The following KAZN variants were observed in gnomAD, a reference collection of about 807,000 sequenced individuals.
KAZN encodes kazrin.
A neutral mutation model predicts 87.4 loss-of-function variants in KAZN; 40 were observed. The observed-to-expected ratio is 0.46, with a 90% CI of 0.36 to 0.60. The LOEUF is 0.60. KAZN is among the 20% of genes least tolerant of loss of function. KAZN has a pLI of 0.00. For missense variants in KAZN, 898 were observed against 1,073.9 expected (o/e 0.84, Z 2.29); for synonymous variants, 466 against 458.3 (o/e 1.02, Z -0.22).
intron 1 of KAZN, among the ~76,000 whole-genome samples, chr1:14,665,204 G>T (rs1250739474): frequency 6.6e-6 from 1 of 152,100 alleles, no homozygotes; most frequent in Non-Finnish European, 1.5e-5. Context: ...GGACAATGGG[G>T]TATTCAAACA....
chr1:14,957,217 T>G (rs1205211697), intron 1 of KAZN, among the ~76,000 whole-genome samples: 2 of 152,174 alleles, frequency 1.3e-5, no homozygotes, highest in Non-Finnish European at 2.9e-5. Context: ...TTAGGAGTTT[T>G]GCTAAGAGAC....
chr1:14,051,862 A>AAC lies in KAZN; in HGVS notation c.92-128573_92-128572insAC, dbSNP rs1557434920. ...CTCAAAAAACCAACCAACCAACCAA[A>AAC]CAACAACAACAACAAAAACCCAAAA... On this transcript the variant is annotated intron_variant, in intron 1 of 16. Coordinates refer to the KAZN transcript ENST00000636203. Among the ~76,000 whole-genome samples, 19 of 152,030 alleles carry AAC rather than the reference A, an allele frequency of 1.2e-4. No individual in the cohort carries two copies. The South Asian group carries it at 2.3e-3, about 18-fold the overall frequency.
At chr1:14,181,046 G>T (rs959316608) in intron 2 of KAZN, among the ~76,000 whole-genome samples, 2 of 152,150 alleles carry the variant, frequency 1.3e-5, no homozygotes, top group Non-Finnish European at 2.9e-5. Flanking sequence ...TGAATTTATT[G>T]AGGAAGGTAT....
intron 1 of KAZN, among the ~76,000 whole-genome samples, chr1:14,761,157 C>G (rs1000085737): frequency 2.9e-4 from 44 of 152,180 alleles, no homozygotes; most frequent in Non-Finnish European, 6.0e-4. Flanking sequence ...GCTGGAGAAT[C>G]CCAGCATTTT....
intron 2 of KAZN, among the ~76,000 whole-genome samples, chr1:14,515,340 A>G (rs1289367521): frequency 1.3e-5 from 2 of 152,156 alleles, no homozygotes; most frequent in Non-Finnish European, 2.9e-5. Flanking sequence ...TTCCAATCCA[A>G]TCGCTGTAGG....
In KAZN at chr1:14,969,046, C is replaced by T. The variant is rs114362367; in HGVS notation, c.418+8171C>T. Among the ~76,000 whole-genome samples, 617 of 152,302 alleles carry T rather than the reference C, an allele frequency of 4.1e-3. 7 individuals are homozygous for T. Among genetic ancestry groups the T allele is most frequent in the South Asian group, 0.025 (121 of 4,828 alleles). On this transcript the variant is annotated intron_variant, in intron 2 of 14. Transcript: ENST00000376030. The stretch of plus-strand genomic sequence containing the variant: ...GAGACTGTCTTAAGTCCAGCGGGGT[C>T]GGTGGGGCTGGAAGACTAAAGCTCC...
intron 1 of KAZN, among the ~76,000 whole-genome samples, chr1:14,640,418 G>A (rs985467044): frequency 6.6e-6 from 1 of 152,182 alleles, no homozygotes; most frequent in Non-Finnish European, 1.5e-5. Context: ...AGGGTCCAGG[G>A]CAGCCTGTGG....
chr1:13,912,602 CT>C (rs1363879958), intron 1 of KAZN, among the ~76,000 whole-genome samples: 1 of 146,136 alleles, frequency 6.8e-6, no homozygotes, highest in Non-Finnish European at 1.6e-5. Flanking sequence ...GAAATCCTAC[CT>C]AATGCAATTC....
chr1:14,424,508 A>G (rs1289027229), intron 2 of KAZN, among the ~76,000 whole-genome samples: 1 of 152,198 alleles, frequency 6.6e-6, no homozygotes, highest in Non-Finnish European at 1.5e-5. Flanking sequence ...ACACATACGC[A>G]GAGCCACCAT....
chr1:13,950,387 A>G (rs765098484), intron 1 of KAZN, among the ~76,000 whole-genome samples: 6 of 152,208 alleles, frequency 3.9e-5, no homozygotes, highest in Non-Finnish European at 1.5e-5. Context: ...CTCTCCTATC[A>G]GACTGTCAGC....
chr1:14,393,158 C>A (rs759010106), intron 2 of KAZN, among the ~76,000 whole-genome samples: 1 of 152,196 alleles, frequency 6.6e-6, no homozygotes, highest in Non-Finnish European at 1.5e-5. Context: ...TCAAATCAAA[C>A]GGTCAAAGTT....
intron 2 of KAZN, among the ~76,000 whole-genome samples, chr1:14,351,611 TAAAC>T (rs1466844413): frequency 6.6e-6 from 1 of 152,146 alleles, no homozygotes; most frequent in Non-Finnish European, 1.5e-5. Context: ...TTGGTCATTA[TAAAC>T]AAAGGCAGGG....
intron 2 of KAZN, among the ~76,000 whole-genome samples, chr1:15,022,017 T>C (rs1670719024): frequency 6.6e-6 from 1 of 152,070 alleles, no homozygotes; most frequent in Admixed American, 6.6e-5. Flanking sequence ...ATGAGAACAG[T>C]ACAGGGAAAA....
chr1:14,490,147 T>C (rs1179689586), intron 2 of KAZN, among the ~76,000 whole-genome samples: 1 of 152,240 alleles, frequency 6.6e-6, no homozygotes, highest in Non-Finnish European at 1.5e-5. Flanking sequence ...CTTGTTAATT[T>C]GTTTGATTAC....
chr1:14,118,044 G>A (rs1250265417), intron 1 of KAZN, among the ~76,000 whole-genome samples: 1 of 152,210 alleles, frequency 6.6e-6, no homozygotes, highest in African/African-American at 2.4e-5. Context: ...CCAGGGGCTT[G>A]AGACCGGGGC....
intron 8 of KAZN, among the ~76,000 whole-genome samples, chr1:15,088,789 G>C (rs895789338): frequency 6.6e-6 from 1 of 152,022 alleles, no homozygotes; most frequent in African/African-American, 2.4e-5. Flanking sequence ...AGAAGGAGGC[G>C]GTGGTGAATA....
intron 1 of KAZN, among the ~76,000 whole-genome samples, chr1:13,905,021 T>G (rs1011402430): frequency 6.6e-6 from 1 of 152,236 alleles, no homozygotes; most frequent in Admixed American, 6.5e-5. Context: ...TGTCTAATCT[T>G]CAGCTGAACT....
intron 5 of KAZN, among the ~76,000 whole-genome samples, chr1:15,059,900 A>C (rs1178856703): frequency 6.6e-6 from 1 of 152,130 alleles, no homozygotes; most frequent in Admixed American, 6.6e-5. Flanking sequence ...GAATGAGAAG[A>C]CTTGAAAACT....
chr1:14,663,969 C>G (rs535917436), intron 1 of KAZN, among the ~76,000 whole-genome samples: 2 of 152,174 alleles, frequency 1.3e-5, no homozygotes, highest in Non-Finnish European at 2.9e-5. Context: ...TCTGTCCACA[C>G]AGTGGAATAT....
Sources: allele counts gnomAD v4.1 joint callset (sites outside exome capture counted in the v4.1 genomes callset), GRCh38; gene constraint gnomAD v4.1.1; transcripts MANE v1.5; gene names NCBI Gene and HGNC (gene_info 2026-07-23, HGNC 2026-07-21).